XPOT: variants seen among roughly 807,000 people sequenced by gnomAD.
The protein encoded by XPOT is exportin-T.
Under a neutral mutation model 128.2 loss-of-function variants are expected in XPOT, and 34 were observed. That is an observed-to-expected ratio of 0.27 (90% CI 0.20 to 0.35). The LOEUF is 0.35. XPOT is among the 10% of genes least tolerant of loss of function. XPOT has a pLI of 1.00. For missense variants in XPOT, 838 were observed against 1,125.3 expected, an observed-to-expected ratio of 0.74 and a Z score of 3.65; for synonymous variants, 348 against 394.3, an observed-to-expected ratio of 0.88 and a Z score of 1.39.
chr12:64,447,752 G>A (rs1029080317), intron 24 of XPOT, among the ~76,000 whole-genome samples: 10 of 152,190 alleles, frequency 6.6e-5, no homozygotes, highest in South Asian at 2.1e-4. Flanking sequence ...TACAGGCGCC[G>A]TGCCCGTCCT....
intron 3 of XPOT, 106 bp downstream of exon 3, chr12:64,415,095 CT>C (rs374865311): frequency 0.16 from 84,380 of 522,170 alleles, no homozygotes; most frequent in South Asian, 0.21. Context: ...CATTTTATGA[CT>C]TTTTTTTTTT....
At chr12:64,407,882 A>G (rs934651482) in intron 1 of XPOT, among the ~76,000 whole-genome samples, 1 of 152,146 alleles carries the variant, frequency 6.6e-6, no homozygotes, top group Admixed American at 6.5e-5. Context: ...GCTGTCTTCA[A>G]AGCTCTCAGT....
At chr12:64,428,363 TGAA>T (rs2040210386) in intron 16 of XPOT, among the ~76,000 whole-genome samples, 1 of 152,168 alleles carries the variant, frequency 6.6e-6, no homozygotes. Flanking sequence ...AAGCATTTTA[TGAA>T]GAAGAAAAAA....
In XPOT at chr12:64,449,846, T is replaced by C. The variant is rs372972843; in HGVS notation, c.*1715T>C. The C allele has an allele frequency of 3.9e-5, 6 of 152,346 alleles. No homozygotes were observed. In the East Asian group the frequency reaches 9.6e-4, roughly 24 times the overall value. 9.4% of individuals were successfully genotyped at this position (152,346 alleles called of 1,614,324 possible). A position where few individuals can be genotyped will look rare whatever the true frequency, so the allele number is the denominator to read the frequency against. On this transcript the variant is annotated 3_prime_UTR_variant, in exon 25 of 25. Coordinates refer to ENST00000332707, the MANE Select transcript of XPOT (RefSeq NM_007235.6). The stretch of plus-strand genomic sequence containing the variant: ...GTAGTAATTGTTAAATGGATACTAA[T>C]GAATAGCATAGCATAGTGGGTAAGA...
Position 64,428,575 on chromosome 12 carries a change from A to C in XPOT, c.1737+455A>C, listed in dbSNP as rs73313851. On this transcript the variant is annotated intron_variant, in intron 16 of 24. Coordinates refer to ENST00000332707, the MANE Select transcript of XPOT (RefSeq NM_007235.6). ...CAGGCTTAGGGTAAAAAAAAAAATT[A>C]AGTGCTAGTCGATCTGAATATTTTG... is the stretch of plus-strand genomic sequence containing the variant. 2.8e-3 allele frequency among the ~76,000 whole-genome samples: 419 copies of C among 152,274 alleles called. 1 individual carries two copies. Among genetic ancestry groups the C allele is most frequent in the African/African-American group, 9.7e-3 (404 of 41,568 alleles).
Position 64,448,147 on chromosome 12 carries a change from G to A in XPOT, c.*16G>A. ...AAAGCCCTGAGGACTGGATTTCCCTGTGCCTACTTCATGATCATGAATTCC... is the reference window on the plus strand; with the variant it reads ...AAAGCCCTGAGGACTGGATTTCCCTATGCCTACTTCATGATCATGAATTCC... On this transcript the variant is annotated 3_prime_UTR_variant, in exon 25 of 25. Coordinates refer to ENST00000332707, the MANE Select transcript of XPOT (RefSeq NM_007235.6). The A allele has an allele frequency of 6.2e-7, 1 of 1,613,474 alleles. No homozygotes were observed. Among genetic ancestry groups the A allele is most frequent in the Non-Finnish European group, 8.5e-7 (1 of 1,179,468 alleles).
intron 9 of XPOT, among the ~76,000 whole-genome samples, chr12:64,421,812 A>G (rs1416911848): frequency 6.6e-6 from 1 of 151,800 alleles, no homozygotes; most frequent in African/African-American, 2.4e-5. Flanking sequence ...TCTCATAAAC[A>G]ATTTTTTTTT....
chr12:64,433,554 C>G lies in XPOT; in HGVS notation c.2403C>G (p.Phe801Leu), dbSNP rs2040256935. ...TGTTGCGGAGGAGTTACTTTGCTTT[C>G]CTGCAAACAGTCACAGGCAGTGGGA... Reference protein sequence around the residue: ...KQMLRRSYFAFLQTVTGSGMS... With the variant: ...KQMLRRSYFALLQTVTGSGMS... Residue 801 changes from phenylalanine to leucine, a missense_variant, in exon 19 of 25, where the codon TTC (phenylalanine) becomes TTG (leucine). Physicochemically the swap from Phe to Leu is conservative, Grantham distance 22. This residue lies in a region of XPOT where 761 missense variants were observed against 988.3 expected (regional missense o/e 0.77). Transcript: ENST00000332707. 1 of 1,612,422 alleles carries G rather than the reference C, an allele frequency of 6.2e-7. No homozygotes were observed. Among genetic ancestry groups the G allele is most frequent in the Admixed American group, 1.7e-5 (1 of 59,822 alleles).
chr12:64,410,788 T>C (rs958284897), intron 2 of XPOT, among the ~76,000 whole-genome samples: 2 of 152,186 alleles, frequency 1.3e-5, no homozygotes, highest in Non-Finnish European at 2.9e-5. Context: ...CCTACAACTA[T>C]AATCATGACT....
chr12:64,433,193 G>A (rs1208225656), intron 18 of XPOT, among the ~76,000 whole-genome samples: 2 of 152,134 alleles, frequency 1.3e-5, no homozygotes, highest in Non-Finnish European at 2.9e-5. Context: ...TGACTCACCC[G>A]CCTTAGCCTC....
chr12:64,420,730 G>A (rs2040130418), intron 8 of XPOT, among the ~76,000 whole-genome samples: 1 of 152,178 alleles, frequency 6.6e-6, no homozygotes, highest in Admixed American at 6.5e-5. Flanking sequence ...CTGAAAGCCT[G>A]TAATTGCACA....
At chr12:64,416,263 A>T (rs912660174) in intron 3 of XPOT, among the ~76,000 whole-genome samples, 4 of 152,210 alleles carry the variant, frequency 2.6e-5, no homozygotes, top group Non-Finnish European at 5.9e-5. Flanking sequence ...CAATAGAACT[A>T]CTGGGGTTGA....
chr12:64,445,522 C>T (rs1396844317), intron 24 of XPOT, among the ~76,000 whole-genome samples: 2 of 151,996 alleles, frequency 1.3e-5, no homozygotes, highest in Non-Finnish European at 2.9e-5. Flanking sequence ...CAGATTTGGG[C>T]CATCAAGCCT....
intron 4 of XPOT, among the ~76,000 whole-genome samples, chr12:64,417,529 C>G (rs75521175): frequency 9.3e-6 from 1 of 107,134 alleles, no homozygotes; most frequent in African/African-American, 3.3e-5. Flanking sequence ...GACCTTGTCT[C>G]AAAAAAAAAA....
intron 2 of XPOT, among the ~76,000 whole-genome samples, chr12:64,413,578 A>G (rs747844056): frequency 3.3e-5 from 5 of 152,228 alleles, no homozygotes; most frequent in Admixed American, 2.0e-4. Context: ...TCACCTAATC[A>G]TCTTCATTTA....
Position 64,434,831 on chromosome 12 carries a change from T to C in XPOT, c.2607T>C (p.Val869=). ...GACCAGTGGGATTTGCTGATTTTGT[T>C]TATAAGCACATTGTCCCCGCATGTT... ...KDGPVGFADF[V]YKHIVPACFL... is the part of the protein sequence containing the mutation. The change falls in exon 21 of 25, where the codon GTT becomes GTC. Residue 869 remains valine (V), a synonymous_variant. Transcript: ENST00000332707. The C allele has an allele frequency of 1.2e-6, 2 of 1,612,188 alleles. No individual in the cohort carries two copies. The highest frequency in any genetic ancestry group is 1.7e-6 in the Non-Finnish European group (2 of 1,179,986).
rs779765256 is a variant in XPOT at position 64,434,904 on chromosome 12, G to A, written c.2680G>A (p.Val894Ile). 1 of 1,612,070 alleles carries A rather than the reference G, an allele frequency of 6.2e-7. No homozygotes were observed. The highest frequency in any genetic ancestry group is 1.7e-5 in the Admixed American group (1 of 60,008). ...CTTTGACCTGGCAGATGCACAAACA[G>A]TATTGGTAAGCACCTAGGAATCTTT... is the stretch of plus-strand genomic sequence containing the variant. The part of the protein sequence containing the change: ...QTFDLADAQT[V>I]LALSECAVTL... Residue 894 changes from valine (V) to isoleucine (I), a missense_variant, in exon 21 of 25, where the codon GTA becomes ATA. Physicochemically the swap from Val to Ile is conservative, Grantham distance 29 (BLOSUM62 3). Coordinates refer to ENST00000332707, the MANE Select transcript of XPOT (RefSeq NM_007235.6).
intron 11 of XPOT, among the ~76,000 whole-genome samples, chr12:64,423,536 C>T (rs1354233721): frequency 6.6e-6 from 1 of 152,138 alleles, no homozygotes; most frequent in African/African-American, 2.4e-5. Flanking sequence ...TCACTGCATC[C>T]TCTGCCTCCT....
At chr12:64,437,178 T>G (rs1350999721) in intron 22 of XPOT, among the ~76,000 whole-genome samples, 1 of 152,136 alleles carries the variant, frequency 6.6e-6, no homozygotes, top group Non-Finnish European at 1.5e-5. Context: ...TGCTACCTGC[T>G]AGGGTGGGGT....
Sources: gnomAD v4.1 joint callset for allele counts (sites outside exome capture counted in the v4.1 genomes callset) on GRCh38, gnomAD v4.1.1 for gene constraint, gnomAD v4.1.1 regional missense constraint, MANE v1.5 for transcripts, NCBI Gene and HGNC (gene_info 2026-07-23, HGNC 2026-07-21) for gene names.